PDXK: variants seen among roughly 807,000 people sequenced by gnomAD.
PDXK encodes epididymis secretory sperm binding protein Li 1a.
In PDXK, 15 loss-of-function variants were observed where a neutral mutation model predicts 43.2. That is an observed-to-expected ratio of 0.35 (90% CI 0.23 to 0.53). The LOEUF (loss-of-function observed/expected upper bound fraction) is 0.53, where lower values mean the gene tolerates loss of function less well. Ranked by LOEUF, PDXK falls within the 20% of genes least tolerant of loss-of-function variation. The probability of loss-of-function intolerance (pLI) is 0.92; values close to 1 mark genes in which losing one functional copy is unlikely to be tolerated. For missense variants in PDXK, 343 were observed against 417.0 expected, an observed-to-expected ratio of 0.82 and a Z score of 1.54; for synonymous variants, 172 against 165.4, an observed-to-expected ratio of 1.04 and a Z score of -0.31.
intron 1 of PDXK, among the ~76,000 whole-genome samples, chr21:43,720,355 A>G (rs1039480136): frequency 6.6e-6 from 1 of 152,148 alleles, no homozygotes; most frequent in African/African-American, 2.4e-5. Flanking sequence ...AAGAAGGGCC[A>G]CCTGGGCACG....
intron 4 of PDXK, 69 bp downstream of exon 4, chr21:43,743,876 G>A: frequency 1.9e-6 from 2 of 1,075,700 alleles, no homozygotes; most frequent in Non-Finnish European, 2.8e-6. Context: ...TGGGAGCCCG[G>A]GAAGGGACGT....
intron 3 of PDXK, among the ~76,000 whole-genome samples, chr21:43,742,356 G>T (rs750465747): frequency 6.6e-6 from 1 of 151,954 alleles, no homozygotes; most frequent in Admixed American, 6.6e-5. Flanking sequence ...ACTTTTTGTG[G>T]GTGTGTGTGG....
At chr21:43,747,122 AC>A (rs1280474330) in intron 5 of PDXK, 1 of 152,266 alleles carries the variant, frequency 6.6e-6, no homozygotes, top group Non-Finnish European at 1.5e-5. Context: ...ACAGAGCAAG[AC>A]CCCATCTCAA....
At chr21:43,749,183 C>T (rs2083691588) in intron 6 of PDXK, 103 bp downstream of exon 6, 3 of 614,930 alleles carry the variant, frequency 4.9e-6, no homozygotes, top group Non-Finnish European at 8.4e-6. Context: ...CAGCTCACTG[C>T]AACCTCTGTC....
Position 43,737,284 on chromosome 21 carries a change from C to A in PDXK, c.142+3161C>A. 7.1e-7 allele frequency: 1 copy of A among 1,405,118 alleles called. No individual in the cohort carries two copies. Among genetic ancestry groups the A allele is most frequent in the Non-Finnish European group, 9.2e-7 (1 of 1,082,078 alleles). 87.0% of individuals were successfully genotyped at this position (1,405,118 alleles called of 1,614,324 possible). A position where few individuals can be genotyped will look rare whatever the true frequency, so the allele number is the denominator to read the frequency against. On this transcript the variant is annotated intron_variant, in intron 2 of 10. Coordinates refer to ENST00000291565, the MANE Select transcript of PDXK (RefSeq NM_003681.5). The surrounding 1 kb of genome is among the most constrained non-coding windows in gnomAD (Gnocchi z 4.8). ...GCCTGCAGAGCCCACCTGGCGCAGG[C>A]CTCGCCGCCTCGAGGCTGCTGCTCG...
rs1298084779 is a variant in PDXK at position 43,723,563 on chromosome 21, A to T, written c.87+4182A>T. The T allele has an allele frequency of 6.6e-6, 1 of 152,282 alleles. No individual in the cohort carries two copies. Among genetic ancestry groups the T allele is most frequent in the Non-Finnish European group, 1.5e-5 (1 of 68,064 alleles). The allele number at this position is 152,282 out of a possible 1,614,324, so 9.4% of individuals were successfully genotyped here. A position where few individuals can be genotyped will look rare whatever the true frequency, so the allele number is the denominator to read the frequency against. On this transcript the variant is annotated intron_variant, in intron 1 of 10. Transcript: ENST00000291565. This position sits in a 1 kb window ranked among gnomAD's most constrained non-coding sequence, Gnocchi z 4.1. Reference sequence around the variant, plus strand: ...TGGAAGGAGCCTTCAGAGAAATTTGAAAGTGGCATAAACCAAGGGGTGAAT... The same window carrying T: ...TGGAAGGAGCCTTCAGAGAAATTTGTAAGTGGCATAAACCAAGGGGTGAAT...
intron 1 of PDXK, among the ~76,000 whole-genome samples, chr21:43,729,197 C>T (rs2083286862): frequency 6.6e-6 from 1 of 152,238 alleles, no homozygotes; most frequent in African/African-American, 2.4e-5. Flanking sequence ...AGGAGCTTGT[C>T]CTTCAGACTT....
rs2083917814 is a variant in PDXK, at chr21:43,760,535, G to C, written c.*4472G>C. On this transcript the variant is annotated 3_prime_UTR_variant, in exon 11 of 11. Coordinates refer to ENST00000291565, the MANE Select transcript of PDXK (RefSeq NM_003681.5). ...TTCTGACTCCAGCCGCACACCTCCT[G>C]CCTCTGCCAGCAGGGGTTGCCGCCA... The C allele has an allele frequency of 6.6e-6, 1 of 152,220 alleles. No homozygotes were observed. Among genetic ancestry groups the C allele is most frequent in the Non-Finnish European group, 1.5e-5 (1 of 68,078 alleles). 9.4% of individuals were successfully genotyped at this position (152,220 alleles called of 1,614,324 possible).
rs527667672 is a variant in PDXK at position 43,743,950 on chromosome 21, T to G, written c.331+143T>G. Reference sequence around the variant, plus strand: ...CCTCTCCGGGCCAGTGAATTGTGTCTGCTGGGCCTCTGAAGATGTTGGCCT... The same window carrying G: ...CCTCTCCGGGCCAGTGAATTGTGTCGGCTGGGCCTCTGAAGATGTTGGCCT... On this transcript the variant is annotated intron_variant, in intron 4 of 10. Transcript: ENST00000291565. The G allele has an allele frequency of 1.5e-4, 102 of 663,730 alleles. No homozygotes were observed. In the African/African-American group the frequency reaches 1.7e-3, roughly 11 times the overall value. 41.1% of individuals were successfully genotyped at this position (663,730 alleles called of 1,614,324 possible). A position where few individuals can be genotyped will look rare whatever the true frequency, so the allele number is the denominator to read the frequency against.
chr21:43,726,581 G>C (rs894527116), intron 1 of PDXK, among the ~76,000 whole-genome samples: 1 of 152,032 alleles, frequency 6.6e-6, no homozygotes, highest in African/African-American at 2.4e-5. Flanking sequence ...GCCAATTTTT[G>C]TATTTTGGTA....
chr21:43,727,496 C>T (rs1171527294), intron 1 of PDXK, among the ~76,000 whole-genome samples: 2 of 152,184 alleles, frequency 1.3e-5, no homozygotes, highest in African/African-American at 4.8e-5. Flanking sequence ...GCCACTCCTC[C>T]GGCAGCTTTC....
Position 43,734,241 on chromosome 21 carries a change from G to T in PDXK, c.142+118G>T. 1 of 948,176 alleles carries T rather than the reference G, an allele frequency of 1.1e-6. No individual in the cohort carries two copies. Among genetic ancestry groups the T allele is most frequent in the East Asian group, 2.5e-5 (1 of 40,584 alleles). The allele number at this position is 948,176 out of a possible 1,614,324, so 58.7% of individuals were successfully genotyped here. On this transcript the variant is annotated intron_variant, in intron 2 of 10. Coordinates refer to ENST00000291565, the MANE Select transcript of PDXK (RefSeq NM_003681.5). The surrounding 1 kb of genome is among the most constrained non-coding windows in gnomAD (Gnocchi z 5.0). ...GTGTGAGGGACGGGGCTTTCGTGTG[G>T]ACGGGGACCTGGAGTCCTGGGCGTC...
At chr21:43,744,216 G>T (rs1165919056) in intron 4 of PDXK, among the ~76,000 whole-genome samples, 8 of 151,828 alleles carry the variant, frequency 5.3e-5, no homozygotes, top group Admixed American at 2.6e-4. Flanking sequence ...GCAGGGCCAG[G>T]CTAGGGAGTG....
In PDXK at chr21:43,732,151, C is replaced by A; in HGVS notation, c.88-1918C>A. On this transcript the variant is annotated intron_variant, in intron 1 of 10. Coordinates refer to ENST00000291565, the MANE Select transcript of PDXK (RefSeq NM_003681.5). This position sits in a 1 kb window ranked among gnomAD's most constrained non-coding sequence, Gnocchi z 4.1. The stretch of plus-strand genomic sequence containing the variant: ...ATTCTCTTCGCAGGCTTCAGTTTCA[C>A]ATTCTTGGTACCTCCTGGTGGTGCC... 1 of 1,386,054 alleles carries A rather than the reference C, an allele frequency of 7.2e-7. No individual in the cohort carries two copies. 85.9% of individuals were successfully genotyped at this position (1,386,054 alleles called of 1,614,324 possible). A position where few individuals can be genotyped will look rare whatever the true frequency, so the allele number is the denominator to read the frequency against.
chr21:43,746,056 A>G (rs2083633437), intron 4 of PDXK, 23 bp from the exon 5 acceptor site: 1 of 1,604,090 alleles, frequency 6.2e-7, no homozygotes, highest in South Asian at 1.1e-5. Flanking sequence ...CTTTGCTGAT[A>G]AGATGCCCTT....
rs1395267502 is a variant in PDXK, at chr21:43,722,613, A to G, written c.87+3232A>G. ...AGAAGTCTGAGACCAGGGTGTGGGC[A>G]GGGCCATGCTCCCTCCATACAAGGG... On this transcript the variant is annotated intron_variant, in intron 1 of 10. Transcript: ENST00000291565. 2.0e-5 allele frequency among the ~76,000 whole-genome samples: 3 copies of G among 151,898 alleles called. No homozygotes were observed. In the East Asian group the frequency reaches 5.9e-4, roughly 30 times the overall value.
In PDXK at chr21:43,743,818, G is replaced by A. The variant is rs371428659; in HGVS notation, c.331+11G>A. The A allele has an allele frequency of 2.6e-4, 410 of 1,602,352 alleles. 1 individual carries two copies. Among genetic ancestry groups the A allele is most frequent in the South Asian group, 4.3e-4 (39 of 90,560 alleles). On this transcript the variant is annotated intron_variant, in intron 4 of 10. Coordinates refer to ENST00000291565, the MANE Select transcript of PDXK (RefSeq NM_003681.5). Reference sequence around the variant, plus strand: ...CCAGGCTGGTGTACGGTAGGCAGGGGCCCACCCTCGGGTCTGGCTGTGTGG... The same window carrying A: ...CCAGGCTGGTGTACGGTAGGCAGGGACCCACCCTCGGGTCTGGCTGTGTGG...
chr21:43,751,162 G>A (rs764963936), intron 7 of PDXK, among the ~76,000 whole-genome samples: 2 of 152,214 alleles, frequency 1.3e-5, no homozygotes, highest in Admixed American at 6.5e-5. Flanking sequence ...CTTGGAGACC[G>A]TGCGTGTCTT....
Position 43,749,079 on chromosome 21 carries a change from G to A in PDXK, c.463G>A (p.Glu155Lys), listed in dbSNP as rs759553942. The stretch of plus-strand genomic sequence containing the variant: ...TATCACGCCCAACCAGTTTGAGGCC[G>A]AGTAAGTCATTTTATTTTATTTTAC... Reference protein sequence around the residue: ...DIITPNQFEAELLSGRKIHSQ... With the variant: ...DIITPNQFEAKLLSGRKIHSQ... Residue 155 changes from glutamate to lysine, a missense_variant and splice_region_variant, in exon 6 of 11, where the codon GAG becomes AAG. Glu to Lys is a moderately conservative substitution (Grantham distance 56). Transcript: ENST00000291565. 4 of 1,577,766 alleles carry A rather than the reference G, an allele frequency of 2.5e-6. No individual in the cohort carries two copies. Among genetic ancestry groups the A allele is most frequent in the East Asian group, 2.2e-5 (1 of 44,644 alleles).
Sources: gnomAD v4.1 joint callset for allele counts (sites outside exome capture counted in the v4.1 genomes callset) on GRCh38, gnomAD v4.1.1 for gene constraint, Gnocchi (gnomAD v3.1) non-coding constraint, MANE v1.5 for transcripts, NCBI Gene and HGNC (gene_info 2026-07-23, HGNC 2026-07-21) for gene names.